The following DKK3 variants were observed in gnomAD, a reference collection of about 807,000 sequenced individuals.
DKK3 encodes dickkopf-related protein 3.
Under a neutral mutation model 33.2 loss-of-function variants are expected in DKK3, and 22 were observed. That is an observed-to-expected ratio of 0.66 (90% confidence interval 0.47 to 0.95). DKK3 has a LOEUF of 0.95. Among genes scored for constraint, DKK3 ranks in the 40% least tolerant of loss-of-function variants. The pLI is 0.00. For missense variants in DKK3, 398 were observed against 458.4 expected (o/e 0.87, Z 1.20); for synonymous variants, 194 against 188.8 (o/e 1.03, Z -0.23).
intron 3 of DKK3, among the ~76,000 whole-genome samples, chr11:11,990,351 G>A (rs542155037): frequency 1.6e-4 from 25 of 152,348 alleles, no homozygotes; most frequent in Admixed American, 1.6e-3. Context: ...CAAAAGCAAA[G>A]TGCTCCATTT....
intron 3 of DKK3, among the ~76,000 whole-genome samples, chr11:11,978,413 C>CTTCTTCCTCTTCCTCTTG (rs1847881330): frequency 6.6e-6 from 1 of 151,112 alleles, no homozygotes; most frequent in Non-Finnish European, 1.5e-5. Context: ...TCTTCCTCTT[C>CTTCTTCCTCTTCCTCTTG]TTCTTCCTCT....
rs763188120 is a variant in DKK3, at chr11:11,968,388, T to C, written c.528+7A>G. On this transcript the variant is annotated splice_region_variant and intron_variant, in intron 4 of 6. Coordinates refer to ENST00000683431, the MANE Select transcript of DKK3 (RefSeq NM_001018057.2). ...TGCCACAGCCCCAGAGGCCCTGGCA[T>C]ACTCACCATCCTCTGGCCCCGGCAT... 10 of 1,610,792 alleles carry C rather than the reference T, an allele frequency of 6.2e-6. No individual in the cohort carries two copies. The Admixed American group carries it at 1.3e-4, about 22-fold the overall frequency.
chr11:11,986,404 G>A (rs1363447983), intron 3 of DKK3, among the ~76,000 whole-genome samples: 1 of 152,168 alleles, frequency 6.6e-6, no homozygotes, highest in Non-Finnish European at 1.5e-5. Context: ...CATCAGTGGT[G>A]AGAACAAAAG....
At chr11:11,973,311 G>A (rs1055375549) in intron 3 of DKK3, among the ~76,000 whole-genome samples, 2 of 152,136 alleles carry the variant, frequency 1.3e-5, no homozygotes, top group Non-Finnish European at 2.9e-5. Flanking sequence ...TTTCCTGCTG[G>A]GGAGATCACC....
upstream of DKK3, chr11:12,009,307 A>T: frequency 1.0e-6 from 1 of 982,160 alleles, no homozygotes; most frequent in Non-Finnish European, 1.2e-6. Context: ...GGGGTGCGGC[A>T]GCGCCGGTAC....
intron 3 of DKK3, chr11:11,998,177 T>C (rs1197440311): frequency 6.1e-6 from 1 of 163,160 alleles, no homozygotes; most frequent in African/African-American, 2.4e-5. Flanking sequence ...AAATCCATTC[T>C]GCCTCTGGAC....
At chr11:12,003,748 A>T (rs911640) in intron 1 of DKK3, among the ~76,000 whole-genome samples, 25,948 of 123,774 alleles carry the variant, frequency 0.21, 2,550 homozygotes, top group Admixed American at 0.34. Context: ...TTTTTTTTTT[A>T]AAAAAAGAAT....
In DKK3 at chr11:12,002,299, C is replaced by T. The variant is rs764330639; in HGVS notation, c.351+1G>A. 2 of 1,612,456 alleles carry T rather than the reference C, an allele frequency of 1.2e-6. No homozygotes were observed. The highest frequency in any genetic ancestry group is 2.2e-5 in the South Asian group (2 of 90,956). On this transcript the variant is annotated splice_donor_variant, in intron 2 of 6. Coordinates refer to ENST00000683431, the MANE Select transcript of DKK3 (RefSeq NM_001018057.2). LOFTEE classifies it high-confidence loss of function. ...AGGAGGAAGTGCTGGCCATGACTTA[C>T]CTTGTGAATTTCTCGGTGCACATGG...
At chr11:11,987,890 A>T (rs1848104391) in intron 3 of DKK3, among the ~76,000 whole-genome samples, 1 of 152,240 alleles carries the variant, frequency 6.6e-6, no homozygotes, top group Non-Finnish European at 1.5e-5. Context: ...CATCACACTC[A>T]AATTCAGTAA....
chr11:12,000,725 G>T (rs1485236772), intron 2 of DKK3, among the ~76,000 whole-genome samples: 2 of 150,950 alleles, frequency 1.3e-5, no homozygotes, highest in Non-Finnish European at 2.9e-5. Flanking sequence ...CACCATGTTG[G>T]CCAGGCTGGT....
intron 5 of DKK3, 111 bp downstream of exon 5, chr11:11,966,843 C>T: frequency 6.8e-7 from 1 of 1,473,368 alleles, no homozygotes; most frequent in East Asian, 2.3e-5. Flanking sequence ...GGGAGCCTAT[C>T]CAAGAGGTGG....
chr11:11,974,348 T>G (rs951038376), intron 3 of DKK3, among the ~76,000 whole-genome samples: 1 of 152,182 alleles, frequency 6.6e-6, no homozygotes, highest in Admixed American at 6.5e-5. Context: ...CTTAGTCCAT[T>G]TTTGCTGCTA....
chr11:12,000,480 T>C (rs1848401838), intron 2 of DKK3, among the ~76,000 whole-genome samples: 1 of 151,602 alleles, frequency 6.6e-6, no homozygotes, highest in South Asian at 2.1e-4. Context: ...GTGCTGGGAA[T>C]ATAGGCATAA....
chr11:12,000,249 G>A (rs1848396263), intron 2 of DKK3, among the ~76,000 whole-genome samples: 1 of 152,288 alleles, frequency 6.6e-6, no homozygotes, highest in East Asian at 1.9e-4. Flanking sequence ...CTGTCGCCCA[G>A]GCTGGAGTAC....
At chr11:11,967,566 C>T (rs771974202) in intron 4 of DKK3, among the ~76,000 whole-genome samples, 12 of 152,228 alleles carry the variant, frequency 7.9e-5, no homozygotes, top group African/African-American at 1.4e-4. Context: ...GAGGTCCCCA[C>T]GGCTGTGCCC....
rs1386576721 is a variant in DKK3, at chr11:11,963,208, A to G, written c.*1256T>C. ...CTTATACAATCATGTGCAACTTTAA[A>G]CTTTAAGAACTCTGGATGAATACAT... On this transcript the variant is annotated 3_prime_UTR_variant, in exon 7 of 7. Coordinates refer to ENST00000683431, the MANE Select transcript of DKK3 (RefSeq NM_001018057.2). 6.5e-6 allele frequency: 1 copy of G among 152,674 alleles called. No individual in the cohort carries two copies. The highest frequency in any genetic ancestry group is 1.5e-5 in the Non-Finnish European group (1 of 68,046). The allele number at this position is 152,674 out of a possible 1,614,324, so 9.5% of individuals were successfully genotyped here. A position where few individuals can be genotyped will look rare whatever the true frequency, so the allele number is the denominator to read the frequency against.
chr11:11,975,104 G>A (rs1847804039), intron 3 of DKK3, among the ~76,000 whole-genome samples: 2 of 152,148 alleles, frequency 1.3e-5, no homozygotes, highest in South Asian at 2.1e-4. Flanking sequence ...CTCCAGAACC[G>A]TGACAGAATA....
At chr11:11,995,710 A>T (rs1052223915) in intron 3 of DKK3, among the ~76,000 whole-genome samples, 1 of 151,814 alleles carries the variant, frequency 6.6e-6, no homozygotes, top group African/African-American at 2.4e-5. Context: ...TTTCCTCCTC[A>T]CCCCCAGCAC....
chr11:12,009,601 C>G, upstream of DKK3: 1 of 986,008 alleles, frequency 1.0e-6, no homozygotes, highest in Non-Finnish European at 1.2e-6. Flanking sequence ...AACAGCCCAC[C>G]GAGGTTGGGG....
Sources: allele counts gnomAD v4.1 joint callset (sites outside exome capture counted in the v4.1 genomes callset), GRCh38; gene constraint gnomAD v4.1.1; transcripts MANE v1.5; gene names NCBI Gene and HGNC (gene_info 2026-07-23, HGNC 2026-07-21).